The following TEC variants were observed in gnomAD, a reference collection of about 807,000 sequenced individuals.
The protein encoded by TEC is tec protein tyrosine kinase.
Under a neutral mutation model 93.0 loss-of-function variants are expected in TEC, and 72 were observed. The observed-to-expected ratio is 0.77, with a 90% CI of 0.64 to 0.94. The LOEUF is 0.94. Ranked by LOEUF, TEC falls within the 40% of genes least tolerant of loss-of-function variation. TEC has a pLI of 0.00. For missense variants in TEC, 630 were observed against 757.9 expected (o/e 0.83, Z 1.98); for synonymous variants, 249 against 247.7 (o/e 1.01, Z -0.05).
intron 2 of TEC, among the ~76,000 whole-genome samples, chr4:48,199,300 A>G (rs1469815793): frequency 6.6e-6 from 1 of 152,114 alleles, no homozygotes; most frequent in Non-Finnish European, 1.5e-5. Flanking sequence ...CTGTATCTCT[A>G]AACTACCCAG....
intron 2 of TEC, among the ~76,000 whole-genome samples, chr4:48,192,260 A>G (rs1034909855): frequency 2.6e-5 from 4 of 152,236 alleles, no homozygotes; most frequent in African/African-American, 9.6e-5. Flanking sequence ...AGTACCTGCT[A>G]TATAAGTTTG....
intron 7 of TEC, among the ~76,000 whole-genome samples, chr4:48,167,113 T>C (rs1336471238): frequency 6.6e-6 from 1 of 152,130 alleles, no homozygotes; most frequent in African/African-American, 2.4e-5. Flanking sequence ...TCCCCTACAG[T>C]TACCCCTATC....
intron 9 of TEC, chr4:48,153,298 C>T (rs1018720055): frequency 6.6e-6 from 1 of 151,630 alleles, no homozygotes; most frequent in Non-Finnish European, 1.5e-5. Context: ...TTAGAGTAAG[C>T]TTGCCCCTCA....
At chr4:48,164,807 G>A (rs1425447463) in intron 7 of TEC, among the ~76,000 whole-genome samples, 1 of 152,048 alleles carries the variant, frequency 6.6e-6, no homozygotes, top group African/African-American at 2.4e-5. Context: ...TTCAAGACCC[G>A]CCTGGCCAAC....
chr4:48,167,736 C>G (rs1310469884), intron 7 of TEC, 42 bp downstream of exon 7: 3 of 1,590,250 alleles, frequency 1.9e-6, no homozygotes, highest in Non-Finnish European at 2.6e-6. Flanking sequence ...ACTTGACTCC[C>G]ACCTACCCAC....
Position 48,231,480 on chromosome 4 carries a change from G to A in TEC, c.-45-2821C>T, listed in dbSNP as rs573547442. 9.2e-5 allele frequency among the ~76,000 whole-genome samples: 14 copies of A among 152,312 alleles called. No individual in the cohort carries two copies. The East Asian group carries it at 2.3e-3, about 25-fold the overall frequency. ...TGACTACTTATAAGAACAGAGGCCG[G>A]GCACGGTGGCTCACGCCTGTAATCC... On this transcript the variant is annotated intron_variant, in intron 1 of 17. Transcript: ENST00000381501.
At position 48,167,972 on chromosome 4, in the gene TEC, A is replaced by G. The variant is rs776489010; in HGVS notation, c.496-19T>C. The G allele has an allele frequency of 1.7e-5, 27 of 1,612,262 alleles. 1 individual carries two copies. The South Asian group carries it at 2.5e-4, about 15-fold the overall frequency. ...GCCTTCGCTAGACAAGGAAGATAAC[A>G]TTTGAAAGTTTAGTCTTCTATATGA... On this transcript the variant is annotated intron_variant, in intron 6 of 17. Transcript: ENST00000381501.
intron 1 of TEC, among the ~76,000 whole-genome samples, chr4:48,248,973 C>T (rs1316185811): frequency 1.3e-5 from 2 of 150,684 alleles, no homozygotes; most frequent in African/African-American, 4.9e-5. Flanking sequence ...TTTGTGTAAT[C>T]GTGTGTCAAG....
At chr4:48,172,943 T>C (rs985826267) in intron 3 of TEC, among the ~76,000 whole-genome samples, 1 of 152,200 alleles carries the variant, frequency 6.6e-6, no homozygotes, top group African/African-American at 2.4e-5. Context: ...TGCTAGGGCC[T>C]TGGACCTTCC....
intron 1 of TEC, among the ~76,000 whole-genome samples, chr4:48,244,773 G>A (rs984769142): frequency 3.9e-5 from 6 of 152,176 alleles, no homozygotes; most frequent in South Asian, 4.1e-4. Context: ...ATTCCTCAAA[G>A]AGCCTTCCCC....
At chr4:48,181,901 A>G (rs1043621759) in intron 2 of TEC, among the ~76,000 whole-genome samples, 2 of 152,196 alleles carry the variant, frequency 1.3e-5, no homozygotes, top group Non-Finnish European at 2.9e-5. Flanking sequence ...AGGAACTCAC[A>G]GTTTCTCCTC....
chr4:48,215,043 C>T (rs1169569852), intron 2 of TEC, among the ~76,000 whole-genome samples: 2 of 152,046 alleles, frequency 1.3e-5, no homozygotes, highest in East Asian at 1.9e-4. Flanking sequence ...ATCTCAGCTA[C>T]GTGGGAGGCT....
intron 11 of TEC, among the ~76,000 whole-genome samples, chr4:48,146,905 T>G (rs1719940256): frequency 6.6e-6 from 1 of 152,208 alleles, no homozygotes; most frequent in South Asian, 2.1e-4. Context: ...TAGCACTCTG[T>G]ATTTCCTCTA....
At chr4:48,143,557 G>A (rs954562795) in intron 14 of TEC, among the ~76,000 whole-genome samples, 1 of 152,148 alleles carries the variant, frequency 6.6e-6, no homozygotes, top group Non-Finnish European at 1.5e-5. Context: ...AACAGTCCTG[G>A]AAGCCAAACA....
chr4:48,239,125 T>C (rs1192195246), intron 1 of TEC, among the ~76,000 whole-genome samples: 1 of 152,084 alleles, frequency 6.6e-6, no homozygotes, highest in Non-Finnish European at 1.5e-5. Context: ...AACTTTCTAA[T>C]GCTTTTGAAA....
chr4:48,209,734 C>A (rs1195790376), intron 2 of TEC, among the ~76,000 whole-genome samples: 1 of 152,106 alleles, frequency 6.6e-6, no homozygotes, highest in Non-Finnish European at 1.5e-5. Context: ...ATACATTTAA[C>A]AAGAAAAGTA....
chr4:48,219,752 G>A (rs1158670358), intron 2 of TEC, among the ~76,000 whole-genome samples: 1 of 152,038 alleles, frequency 6.6e-6, no homozygotes, highest in Non-Finnish European at 1.5e-5. Flanking sequence ...CTGCCCCCTT[G>A]TCTTATATGC....
At chr4:48,137,832 A>C (rs1719495846) in intron 17 of TEC, among the ~76,000 whole-genome samples, 1 of 152,184 alleles carries the variant, frequency 6.6e-6, no homozygotes, top group Non-Finnish European at 1.5e-5. Context: ...TGTTCCCCAC[A>C]AAATCCCTCA....
rs113925714 is a variant in TEC, at chr4:48,193,777, G to GTTTTT, written c.139-17596_139-17592dup. On this transcript the variant is annotated intron_variant, in intron 2 of 17. Transcript: ENST00000381501. Reference sequence around the variant, plus strand: ...TCCAGTAAGCACTTCATGTGTTAGGGTTTTTTTTTTAATGATACTTTATAT... The same window carrying GTTTTT: ...TCCAGTAAGCACTTCATGTGTTAGGGTTTTTTTTTTTTTTTAATGATACTTTATAT... Among the ~76,000 whole-genome samples, 400 of 147,496 alleles carry GTTTTT rather than the reference G, an allele frequency of 2.7e-3. 2 individuals are homozygous for GTTTTT. The highest frequency in any genetic ancestry group is 8.8e-3 in the African/African-American group (353 of 39,972).
Sources: allele counts gnomAD v4.1 joint callset (sites outside exome capture counted in the v4.1 genomes callset), GRCh38; gene constraint gnomAD v4.1.1; transcripts MANE v1.5; gene names NCBI Gene and HGNC (gene_info 2026-07-23, HGNC 2026-07-21).